Variants in PSCA observed in about 807,000 individuals in gnomAD.
PSCA encodes the protein prostate stem cell antigen.
In PSCA, 7 loss-of-function variants were observed where a neutral mutation model predicts 7.9. The ratio of observed to expected loss-of-function variants is 0.89; its 90% CI spans 0.51 to 1.67. The LOEUF (loss-of-function observed/expected upper bound fraction) is 1.67, where lower values mean the gene tolerates loss of function less well. Among genes scored for constraint, PSCA ranks in the 40% most tolerant of loss-of-function variants. PSCA has a pLI of 0.00. For synonymous variants in PSCA, 61 were observed against 68.3 expected (o/e 0.89, Z 0.53); for missense variants, 151 against 147.9 (o/e 1.02, Z -0.11).
In PSCA at chr8:142,673,371, C is replaced by T. The variant is rs1847357807; in HGVS notation, n.261+2803C>T. ...ATGGGGCTCCTCCAGGTGCTCCTAC[C>T]ATTACTCACGGAACCTTGGGCCTCT... On this transcript the variant is annotated intron_variant and non_coding_transcript_variant, in intron 1 of 1. Transcript: ENST00000505305. The surrounding 1 kb of genome is among the most constrained non-coding windows in gnomAD (Gnocchi z 4.6). Among the ~76,000 whole-genome samples, 1 of 152,134 alleles carries T rather than the reference C, an allele frequency of 6.6e-6. No homozygotes were observed. Among genetic ancestry groups the T allele is most frequent in the African/African-American group, 2.4e-5 (1 of 41,424 alleles).
upstream of PSCA, among the ~76,000 whole-genome samples, chr8:142,679,114 C>T (rs587756076): frequency 6.4e-4 from 98 of 152,382 alleles, no homozygotes; most frequent in Non-Finnish European, 1.5e-4. Context: ...GCCTCTTCCA[C>T]TCTCTCATCT....
Position 142,682,702 on chromosome 8 carries a change from A to G in PSCA, c.*570A>G, listed in dbSNP as rs1181961221. ...CAGCCTCAGCACAGCGTAGGCCCTT[A>G]ATAAACACCTGTTGGATAAGCCAGA... On this transcript the variant is annotated 3_prime_UTR_variant, in exon 3 of 3. Coordinates refer to ENST00000301258, the MANE Select transcript of PSCA (RefSeq NM_005672.5). 9.8e-6 allele frequency: 3 copies of G among 306,306 alleles called. No individual in the cohort carries two copies. The highest frequency in any genetic ancestry group is 2.2e-5 in the African/African-American group (1 of 46,238). The allele number at this position is 306,306 out of a possible 1,614,324, so 19.0% of individuals were successfully genotyped here.
chr8:142,674,011 CA>C (rs1191667100), intron 1 of PSCA, among the ~76,000 whole-genome samples: 3 of 147,104 alleles, frequency 2.0e-5, no homozygotes, highest in Admixed American at 6.8e-5. Context: ...GCAGATCACC[CA>C]TCTTCCTAAT....
chr8:142,682,547 G>T lies in PSCA; in HGVS notation c.*415G>T. 1 of 431,856 alleles carries T rather than the reference G, an allele frequency of 2.3e-6. No individual in the cohort carries two copies. Among genetic ancestry groups the T allele is most frequent in the Non-Finnish European group, 4.6e-6 (1 of 216,206 alleles). 26.8% of individuals were successfully genotyped at this position (431,856 alleles called of 1,614,324 possible). A position where few individuals can be genotyped will look rare whatever the true frequency, so the allele number is the denominator to read the frequency against. ...AGGCACTCAGGAGGGCCCGGTAAAGGCTGAGATGAAGTGGACTGAGTAGAA... is the reference window on the plus strand; with the variant it reads ...AGGCACTCAGGAGGGCCCGGTAAAGTCTGAGATGAAGTGGACTGAGTAGAA... On this transcript the variant is annotated 3_prime_UTR_variant, in exon 3 of 3. Transcript: ENST00000301258.
chr8:142,677,920 G>A (rs1847416937), upstream of PSCA, among the ~76,000 whole-genome samples: 1 of 152,138 alleles, frequency 6.6e-6, no homozygotes, highest in Non-Finnish European at 1.5e-5. Context: ...ACCTCAGAAG[G>A]ACAGGGGCTG....
Position 142,682,120 on chromosome 8 carries a change from C to T in PSCA, c.333C>T (p.Pro111=), listed in dbSNP as rs376075137. The T allele has an allele frequency of 6.9e-5, 111 of 1,600,766 alleles. No individual in the cohort carries two copies. Among genetic ancestry groups the T allele is most frequent in the Non-Finnish European group, 8.8e-5 (104 of 1,178,866 alleles). ...CACTCGGCCTGCTGCTCTGGGGACC[C>T]GGCCAGCTCTAGGCTCTGGGGGGCC... ...LPALGLLLWG[P]GQL Residue 111 remains proline, a synonymous_variant, in exon 3 of 3, where the codon CCC becomes CCT. Coordinates refer to ENST00000301258, the MANE Select transcript of PSCA (RefSeq NM_005672.5).
At position 142,673,843 on chromosome 8, in the gene PSCA, T is replaced by C. The variant is rs782638265; in HGVS notation, n.261+3275T>C. Among the ~76,000 whole-genome samples the C allele has an allele frequency of 1.4e-4, 21 of 152,334 alleles. No homozygotes were observed. The highest frequency in any genetic ancestry group is 5.1e-4 in the African/African-American group (21 of 41,572). On this transcript the variant is annotated intron_variant and non_coding_transcript_variant, in intron 1 of 1. Transcript: ENST00000505305. The surrounding 1 kb of genome is among the most constrained non-coding windows in gnomAD (Gnocchi z 4.6). ...AAGGCCAATCTTAGGATCACAATAG[T>C]GATGTTACTTGCAGGAGTAATTGGG...
chr8:142,677,111 G>A (rs587654160), upstream of PSCA, among the ~76,000 whole-genome samples: 2 of 152,350 alleles, frequency 1.3e-5, no homozygotes, highest in African/African-American at 4.8e-5. Context: ...CCGTAACCAG[G>A]GCTCGTTAGG....
intron 1 of PSCA, 109 bp downstream of exon 1, chr8:142,680,672 G>A: frequency 1.4e-6 from 2 of 1,413,762 alleles, no homozygotes; most frequent in African/African-American, 2.8e-5. Context: ...GAGGAAGGGA[G>A]AGGAAGGGGG....
upstream of PSCA, among the ~76,000 whole-genome samples, chr8:142,679,061 C>T (rs1847432432): frequency 6.6e-6 from 1 of 152,262 alleles, no homozygotes; most frequent in Admixed American, 6.5e-5. Context: ...ATAGCCACTG[C>T]CACCACCTCC....
intron 2 of PSCA, chr8:142,681,691 A>G (rs2920296): frequency 0.46 from 276,509 of 603,986 alleles, 64,338 homozygotes; most frequent in Admixed American, 0.53. Flanking sequence ...CCCTGAGCTC[A>G]CTTACTCACT....
chr8:142,681,445 G>T lies in PSCA; in HGVS notation c.133+11G>T. 1.3e-6 allele frequency: 2 copies of T among 1,578,222 alleles called. No homozygotes were observed. The highest frequency in any genetic ancestry group is 1.7e-6 in the Non-Finnish European group (2 of 1,161,778). On this transcript the variant is annotated intron_variant, in intron 2 of 2. Transcript: ENST00000301258. ...GGACCGCGCGCATCCGTGAGTGGGG[G>T]GACGACAGCCGCCAGGCCTAGGTCT...
chr8:142,674,538 C>T (rs1847375013), intron 1 of PSCA, among the ~76,000 whole-genome samples: 1 of 152,240 alleles, frequency 6.6e-6, no homozygotes, highest in Non-Finnish European at 1.5e-5. Flanking sequence ...CTGTTATGCC[C>T]AGAAATGACT....
chr8:142,681,759 T>TGAGACCAGGGCC (rs1301165701), intron 2 of PSCA, 162 bp from the exon 3 acceptor site: 6 of 630,270 alleles, frequency 9.5e-6, no homozygotes, highest in African/African-American at 3.7e-5. Flanking sequence ...TGGATAGGGC[T>TGAGACCAGGGCC]GAGACCAGGG....
Position 142,682,394 on chromosome 8 carries a change from T to C in PSCA, c.*262T>C, listed in dbSNP as rs1814668641. On this transcript the variant is annotated 3_prime_UTR_variant, in exon 3 of 3. Transcript: ENST00000301258. The stretch of plus-strand genomic sequence containing the variant: ...CCAACCCTCTCTGCTGCTGTTTCCA[T>C]GGCCCAGCATTCTCCACCCTTAACC... The C allele has an allele frequency of 2.9e-6, 2 of 691,990 alleles. No homozygotes were observed. The highest frequency in any genetic ancestry group is 4.0e-5 in the Admixed American group (2 of 49,560). 42.9% of individuals were successfully genotyped at this position (691,990 alleles called of 1,614,324 possible).
rs1215361731 is a variant in PSCA at position 142,682,036 on chromosome 8, C to T, written c.249C>T (p.Cys83=). ...KNITCCDTDL[C]NASGAHALQP... is the part of the protein sequence containing the mutation. ...TCACGTGCTGTGACACCGACTTGTG[C>T]AACGCCAGCGGGGCCCATGCCCTGC... Residue 83 remains cysteine, a synonymous_variant, in exon 3 of 3, where the codon TGC becomes TGT. Transcript: ENST00000301258. 29 of 1,612,564 alleles carry T rather than the reference C, an allele frequency of 1.8e-5. No homozygotes were observed. The highest frequency in any genetic ancestry group is 2.3e-5 in the Non-Finnish European group (27 of 1,179,802).
At chr8:142,680,778 A>G in intron 1 of PSCA, 1 of 645,364 alleles carries the variant, frequency 1.5e-6, no homozygotes, top group South Asian at 1.9e-5. Flanking sequence ...CGGGGCTTGC[A>G]GGGGCAGCAC....
chr8:142,674,943 C>A (rs932724088), intron 1 of PSCA, among the ~76,000 whole-genome samples: 2 of 152,268 alleles, frequency 1.3e-5, no homozygotes, highest in Non-Finnish European at 2.9e-5. Context: ...GGAGCTAACC[C>A]CTCACTGTCC....
upstream of PSCA, among the ~76,000 whole-genome samples, chr8:142,678,377 A>G (rs370931211): frequency 6.6e-6 from 1 of 152,222 alleles, no homozygotes. Context: ...AGCTTCCGGC[A>G]GGAACAACAG....
Sources: gnomAD v4.1 joint callset for allele counts (sites outside exome capture counted in the v4.1 genomes callset) on GRCh38, gnomAD v4.1.1 for gene constraint, Gnocchi (gnomAD v3.1) non-coding constraint, MANE v1.5 for transcripts, NCBI Gene and HGNC (gene_info 2026-07-23, HGNC 2026-07-21) for gene names.